Variants in CMTM7 observed in about 807,000 individuals in gnomAD.
CMTM7 encodes the protein CKLF like MARVEL transmembrane domain containing 7, also known as CKLF-like MARVEL transmembrane domain-containing protein 7.
CMTM7 carries 7 observed loss-of-function variants against 19.3 expected under a neutral mutation model. The ratio of observed to expected loss-of-function variants is 0.36; its 90% CI spans 0.21 to 0.68. The LOEUF is 0.68. CMTM7 is among the 30% of genes least tolerant of loss of function. CMTM7 has a pLI of 0.60. For missense variants in CMTM7, 193 were observed against 232.6 expected (o/e 0.83, Z 1.11); for synonymous variants, 87 against 99.3 (o/e 0.88, Z 0.74).
chr3:32,407,752 C>G (rs529260244), intron 1 of CMTM7, among the ~76,000 whole-genome samples: 2 of 152,232 alleles, frequency 1.3e-5, no homozygotes, highest in East Asian at 3.9e-4. Flanking sequence ...ACATGCATCC[C>G]CTGGGCCTGA....
At chr3:32,394,592 TG>T (rs1695888100) in intron 1 of CMTM7, among the ~76,000 whole-genome samples, 1 of 152,220 alleles carries the variant, frequency 6.6e-6, no homozygotes, top group Non-Finnish European at 1.5e-5. Context: ...TTTATACATG[TG>T]TAATTTTTAT....
intron 1 of CMTM7, among the ~76,000 whole-genome samples, chr3:32,431,024 C>T (rs1696510539): frequency 6.6e-6 from 1 of 152,152 alleles, no homozygotes; most frequent in Admixed American, 6.5e-5. Context: ...CATGGGAAAA[C>T]AACAGTGAAC....
rs1696880009 is a variant in CMTM7 at position 32,454,399 on chromosome 3, C to G, written c.*145C>G. ...AAGGCCTGCACCCTCTTCCTGCTCT[C>G]CCAGGAAGCCAGCTCCCTGAGCTCC... On this transcript the variant is annotated 3_prime_UTR_variant, in exon 5 of 5. Coordinates refer to ENST00000334983, the MANE Select transcript of CMTM7 (RefSeq NM_138410.4). 3 of 978,240 alleles carry G rather than the reference C, an allele frequency of 3.1e-6. No individual in the cohort carries two copies. The highest frequency in any genetic ancestry group is 3.2e-6 in the Non-Finnish European group (2 of 623,724). The allele number at this position is 978,240 out of a possible 1,614,324, so 60.6% of individuals were successfully genotyped here.
intron 1 of CMTM7, among the ~76,000 whole-genome samples, chr3:32,410,827 A>C (rs1299074937): frequency 6.6e-6 from 1 of 152,256 alleles, no homozygotes; most frequent in Non-Finnish European, 1.5e-5. Flanking sequence ...AACAGAGACA[A>C]GCAGAGGGAT....
intron 1 of CMTM7, among the ~76,000 whole-genome samples, chr3:32,412,507 AC>A: frequency 1.7e-5 from 1 of 58,282 alleles, no homozygotes; most frequent in South Asian, 7.3e-4. Context: ...ACACACACAC[AC>A]ACACACACAC....
chr3:32,420,368 A>T (rs1156792060), intron 1 of CMTM7, among the ~76,000 whole-genome samples: 7 of 152,178 alleles, frequency 4.6e-5, no homozygotes, highest in Admixed American at 4.6e-4. Context: ...GGGTGAGGGG[A>T]AATGTAGGGA....
chr3:32,418,282 G>A (rs956564241), intron 1 of CMTM7, among the ~76,000 whole-genome samples: 3 of 152,090 alleles, frequency 2.0e-5, no homozygotes, highest in Non-Finnish European at 2.9e-5. Flanking sequence ...TAGGTTTTGA[G>A]TATTGTTCGT....
At position 32,437,672 on chromosome 3, in the gene CMTM7, C is replaced by T. The variant is rs990518295; in HGVS notation, c.160-4168C>T. Among the ~76,000 whole-genome samples, 6 of 152,046 alleles carry T rather than the reference C, an allele frequency of 3.9e-5. No individual in the cohort carries two copies. In the South Asian group the frequency reaches 8.3e-4, roughly 21 times the overall value. ...CTTTGGGAGGCCAAGGCATGCAGAT[C>T]GCAAGGTCAGGAGATCGAGACTCTC... is the stretch of plus-strand genomic sequence containing the variant. On this transcript the variant is annotated intron_variant, in intron 1 of 4. Coordinates refer to ENST00000334983, the MANE Select transcript of CMTM7 (RefSeq NM_138410.4).
rs935206304 is a variant in CMTM7 at position 32,454,351 on chromosome 3, T to G, written c.*97T>G. ...GACCTGTGTTCCTGTGCCAAAGTCC[T>G]GTCAGGCTGGTGGGCACCAGGAAAG... is the stretch of plus-strand genomic sequence containing the variant. On this transcript the variant is annotated 3_prime_UTR_variant, in exon 5 of 5. Coordinates refer to ENST00000334983, the MANE Select transcript of CMTM7 (RefSeq NM_138410.4). The G allele has an allele frequency of 6.7e-7, 1 of 1,494,730 alleles. No individual in the cohort carries two copies. The highest frequency in any genetic ancestry group is 1.4e-5 in the African/African-American group (1 of 72,524). 92.6% of individuals were successfully genotyped at this position (1,494,730 alleles called of 1,614,324 possible). A position where few individuals can be genotyped will look rare whatever the true frequency, so the allele number is the denominator to read the frequency against.
chr3:32,415,105 A>G (rs1696239894), intron 1 of CMTM7, among the ~76,000 whole-genome samples: 1 of 152,046 alleles, frequency 6.6e-6, no homozygotes. Flanking sequence ...CCTGGGCCCC[A>G]GCTCAGACCC....
intron 1 of CMTM7, among the ~76,000 whole-genome samples, chr3:32,426,014 G>T (rs768531176): frequency 6.6e-6 from 1 of 152,134 alleles, no homozygotes; most frequent in African/African-American, 2.4e-5. Flanking sequence ...GCATGGTGGC[G>T]CACGCCTATA....
At chr3:32,398,427 A>C (rs544935408) in intron 1 of CMTM7, among the ~76,000 whole-genome samples, 1 of 152,264 alleles carries the variant, frequency 6.6e-6, no homozygotes, top group African/African-American at 2.4e-5. Context: ...TGATCAGCTA[A>C]CTAGTAGGTG....
intron 1 of CMTM7, among the ~76,000 whole-genome samples, chr3:32,432,773 T>G (rs1289354464): frequency 6.6e-6 from 1 of 152,160 alleles, no homozygotes; most frequent in Non-Finnish European, 1.5e-5. Flanking sequence ...AGTGATTACT[T>G]TTGCTCTTCT....
chr3:32,409,229 G>A (rs1405437101), intron 1 of CMTM7, among the ~76,000 whole-genome samples: 1 of 152,050 alleles, frequency 6.6e-6, no homozygotes, highest in African/African-American at 2.4e-5. Flanking sequence ...AACTTTTGAA[G>A]AACAGGACAA....
chr3:32,394,695 C>CT (rs1470947765), intron 1 of CMTM7, among the ~76,000 whole-genome samples: 3 of 152,082 alleles, frequency 2.0e-5, no homozygotes, highest in African/African-American at 2.4e-5. Flanking sequence ...TTAAAGCACT[C>CT]TTTTTTTTCT....
At chr3:32,406,394 C>T (rs1696091868) in intron 1 of CMTM7, among the ~76,000 whole-genome samples, 1 of 152,184 alleles carries the variant, frequency 6.6e-6, no homozygotes, top group Non-Finnish European at 1.5e-5. Flanking sequence ...CCCAATGTTG[C>T]ATGCTTTTCA....
intron 1 of CMTM7, among the ~76,000 whole-genome samples, chr3:32,404,142 C>CTTTTTTTTTTTTTTTTTTTTTTTTT (rs11364371): frequency 9.2e-6 from 1 of 109,232 alleles, no homozygotes; most frequent in African/African-American, 4.2e-5. Context: ...TTCTTTCTTT[C>CTTTTTTTTTTTTTTTTTTTTTTTTT]TTTTTTTTTC....
At position 32,395,094 on chromosome 3, in the gene CMTM7, T is replaced by A. The variant is rs1695895973; in HGVS notation, c.159+3029T>A. Reference sequence around the variant, plus strand: ...ATCATGGCTTACTGCAGCCTTAACCTCCTGGGCTCGGCGATTGTCCCACCT... The same window carrying A: ...ATCATGGCTTACTGCAGCCTTAACCACCTGGGCTCGGCGATTGTCCCACCT... On this transcript the variant is annotated intron_variant, in intron 1 of 4. Transcript: ENST00000334983. 3.3e-5 allele frequency among the ~76,000 whole-genome samples: 5 copies of A among 149,998 alleles called. No homozygotes were observed. The South Asian group carries it at 1.1e-3, about 32-fold the overall frequency.
intron 1 of CMTM7, among the ~76,000 whole-genome samples, chr3:32,400,826 G>A (rs1695991739): frequency 6.6e-6 from 1 of 152,192 alleles, no homozygotes; most frequent in South Asian, 2.1e-4. Context: ...GGCTCTGGGA[G>A]CTTCCAGTTC....
Sources: gnomAD v4.1 joint callset for allele counts (sites outside exome capture counted in the v4.1 genomes callset) on GRCh38, gnomAD v4.1.1 for gene constraint, MANE v1.5 for transcripts, NCBI Gene and HGNC (gene_info 2026-07-23, HGNC 2026-07-21) for gene names.